IL1RAPL2: variants seen among roughly 807,000 people sequenced by gnomAD.
IL1RAPL2 encodes the protein interleukin 1 receptor accessory protein like 2.
In IL1RAPL2, 3 loss-of-function variants were observed where a neutral mutation model predicts 44.1. That is an observed-to-expected ratio of 0.07 (90% confidence interval 0.03 to 0.18). IL1RAPL2 has a LOEUF of 0.18. Among genes scored for constraint, IL1RAPL2 ranks in the 10% least tolerant of loss-of-function variants. IL1RAPL2 has a pLI of 1.00. For missense variants in IL1RAPL2, 391 were observed against 496.4 expected (o/e 0.79, Z 2.02); for synonymous variants, 181 against 178.8 (o/e 1.01, Z -0.10).
intron 3 of IL1RAPL2, chrX:105,219,532 A>T (rs1478421656): frequency 1.7e-6 from 2 of 1,208,940 alleles, no homozygotes; most frequent in Admixed American, 4.3e-5. Context: ...CTGGGTCTCC[A>T]TGGGGGCAGC....
At chrX:105,631,780 CT>C (rs2037493644) in intron 6 of IL1RAPL2, among the ~76,000 whole-genome samples, 1 of 111,717 alleles carries the variant, frequency 9.0e-6, no homozygotes, top group African/African-American at 3.2e-5. Context: ...AATCCTTGTC[CT>C]TTTTCCTTCC....
At chrX:104,753,349 A>G (rs1020547666) in intron 2 of IL1RAPL2, among the ~76,000 whole-genome samples, 1 of 110,895 alleles carries the variant, frequency 9.0e-6, no homozygotes, top group Non-Finnish European at 1.9e-5. Context: ...AGAAGAGCAC[A>G]TTATAGATCC....
In IL1RAPL2 at chrX:105,672,905, G is replaced by A. The variant is rs957451337; in HGVS notation, c.773-44462G>A. On this transcript the variant is annotated intron_variant, in intron 6 of 10. Coordinates refer to ENST00000372582, the MANE Select transcript of IL1RAPL2 (RefSeq NM_017416.2). ...TCTTTGCTGGGCTTTTTATGTCTGC[G>A]ACTGTTGCCATTTCTGGGTTTCTGG... Among the ~76,000 whole-genome samples the A allele has an allele frequency of 5.4e-5, 6 of 111,108 alleles. 1 individual carries two copies. Among genetic ancestry groups the A allele is most frequent in the Admixed American group, 1.9e-4 (2 of 10,406 alleles).
chrX:104,672,057 C>A, intron 2 of IL1RAPL2, among the ~76,000 whole-genome samples: 1 of 111,602 alleles, frequency 9.0e-6, no homozygotes, highest in East Asian at 2.8e-4. Context: ...TAGCTAAGAA[C>A]AGAGAGCATG....
intron 5 of IL1RAPL2, chrX:105,406,768 C>T: frequency 5.0e-6 from 6 of 1,192,029 alleles, no homozygotes; most frequent in Non-Finnish European, 6.8e-6. Context: ...TTTTGAGGAT[C>T]CTTCTGGTCT....
In IL1RAPL2 at chrX:105,243,991, T is replaced by C. The variant is rs1603029617; in HGVS notation, c.543+9987T>C. Among the ~76,000 whole-genome samples, 3 of 111,847 alleles carry C rather than the reference T, an allele frequency of 2.7e-5. No individual in the cohort carries two copies. The Admixed American group carries it at 2.9e-4, about 11-fold the overall frequency. On this transcript the variant is annotated intron_variant, in intron 4 of 10. Transcript: ENST00000372582. ...TTATAAAGTCTTTAGATAAAAATATTGAAATATTTTTAGAAGCTTCTGCAT... is the reference window on the plus strand; with the variant it reads ...TTATAAAGTCTTTAGATAAAAATATCGAAATATTTTTAGAAGCTTCTGCAT...
chrX:105,342,334 A>G (rs73519352), intron 5 of IL1RAPL2, among the ~76,000 whole-genome samples: 14,610 of 111,846 alleles, frequency 0.13, 2,315 homozygotes, highest in African/African-American at 0.45. Context: ...AGAAAAAATT[A>G]TTATCTGTAT....
intron 2 of IL1RAPL2, among the ~76,000 whole-genome samples, chrX:104,673,920 A>T (rs1379899111): frequency 3.6e-5 from 4 of 110,226 alleles, no homozygotes; most frequent in African/African-American, 1.3e-4. Flanking sequence ...GGTGTATAAG[A>T]ATGCTTGTGA....
intron 2 of IL1RAPL2, among the ~76,000 whole-genome samples, chrX:104,762,996 T>C (rs1275893555): frequency 8.9e-6 from 1 of 112,750 alleles, no homozygotes; most frequent in African/African-American, 3.2e-5. Context: ...TTGTTACTTA[T>C]GCAAATTTCT....
chrX:105,082,673 C>T (rs766250401), intron 2 of IL1RAPL2, among the ~76,000 whole-genome samples: 2 of 111,624 alleles, frequency 1.8e-5, no homozygotes, highest in South Asian at 7.5e-4. Context: ...CTGGAGTGGA[C>T]CTCCAGTAAA....
At chrX:105,404,475 T>G (rs747009278) in intron 5 of IL1RAPL2, among the ~76,000 whole-genome samples, 16 of 111,931 alleles carry the variant, frequency 1.4e-4, no homozygotes, top group Non-Finnish European at 2.8e-4. Flanking sequence ...TAATTCATTT[T>G]CATTAAAGGA....
intron 1 of IL1RAPL2, among the ~76,000 whole-genome samples, chrX:104,625,075 G>C (rs1455340019): frequency 9.0e-6 from 1 of 111,218 alleles, no homozygotes; most frequent in African/African-American, 3.3e-5. Flanking sequence ...TTTTTATACT[G>C]TTCTGTAAGC....
intron 2 of IL1RAPL2, among the ~76,000 whole-genome samples, chrX:104,949,779 A>C (rs1403457251): frequency 1.8e-5 from 2 of 111,598 alleles, no homozygotes; most frequent in East Asian, 5.6e-4. Context: ...CTGTGGTCTG[A>C]GAGACAGTTT....
intron 2 of IL1RAPL2, among the ~76,000 whole-genome samples, chrX:105,042,159 A>G (rs887128725): frequency 9.0e-6 from 1 of 111,245 alleles, no homozygotes; most frequent in African/African-American, 3.3e-5. Flanking sequence ...TTCAGGACAT[A>G]GGCATTGGCA....
intron 2 of IL1RAPL2, among the ~76,000 whole-genome samples, chrX:105,140,942 A>G (rs2033120875): frequency 9.0e-6 from 1 of 111,203 alleles, no homozygotes; most frequent in Non-Finnish European, 1.9e-5. Context: ...TTATCCCAAA[A>G]AGAGGTTGCA....
rs185356738 is a variant in IL1RAPL2 at position 105,219,651 on chromosome X, C to T, written c.357-14167C>T. 4.0e-5 allele frequency: 48 copies of T among 1,208,672 alleles called. No individual in the cohort carries two copies. The African/African-American group carries it at 5.8e-4, about 15-fold the overall frequency. ...CTCCAGCAGCACCAGCAGCAGCCAC[C>T]GCCGCCTCTTCTTCCTCCTCAGCTG... On this transcript the variant is annotated intron_variant, in intron 3 of 10. Transcript: ENST00000372582.
At chrX:104,779,589 G>T (rs1481404889) in intron 2 of IL1RAPL2, among the ~76,000 whole-genome samples, 1 of 111,895 alleles carries the variant, frequency 8.9e-6, no homozygotes, top group Non-Finnish European at 1.9e-5. Context: ...ATAGTGCTTG[G>T]TGCTGTATAC....
chrX:104,916,338 A>G (rs931550192), intron 2 of IL1RAPL2, among the ~76,000 whole-genome samples: 1 of 111,481 alleles, frequency 9.0e-6, no homozygotes, highest in South Asian at 3.8e-4. Context: ...GCAATTGTGA[A>G]TGGGAGTTCA....
intron 2 of IL1RAPL2, among the ~76,000 whole-genome samples, chrX:105,044,690 A>G (rs1470748579): frequency 9.0e-6 from 1 of 111,674 alleles, no homozygotes; most frequent in Non-Finnish European, 1.9e-5. Context: ...CTTTAAAGCA[A>G]GTAGTTAGAC....
Sources: allele counts gnomAD v4.1 joint callset (sites outside exome capture counted in the v4.1 genomes callset), GRCh38; gene constraint gnomAD v4.1.1; transcripts MANE v1.5; gene names NCBI Gene and HGNC (gene_info 2026-07-23, HGNC 2026-07-21).